ACACA: variants seen among roughly 807,000 people sequenced by gnomAD.
ACACA encodes acetyl-CoA carboxylase 1.
ACACA carries 103 observed loss-of-function variants against 296.1 expected under a neutral mutation model. The ratio of observed to expected loss-of-function variants is 0.35; its 90% CI spans 0.30 to 0.41. The LOEUF (loss-of-function observed/expected upper bound fraction) is 0.41. Ranked by LOEUF, ACACA falls within the 10% of genes least tolerant of loss-of-function variation. The pLI is 1.00. For missense variants in ACACA, 1,554 were observed against 2,989.7 expected (o/e 0.52, Z 11.20); for synonymous variants, 953 against 1,038.6 (o/e 0.92, Z 1.58).
chr17:37,315,205 G>A (rs1416705422), intron 3 of ACACA, among the ~76,000 whole-genome samples: 64 of 152,136 alleles, frequency 4.2e-4, no homozygotes, highest in Non-Finnish European at 1.5e-5. Flanking sequence ...TGATCCACCC[G>A]CCTCTGCCTC....
At chr17:37,368,960 C>A (rs968968625) in intron 1 of ACACA, among the ~76,000 whole-genome samples, 23 of 152,190 alleles carry the variant, frequency 1.5e-4, no homozygotes, top group Non-Finnish European at 2.8e-4. Context: ...GCGTCTACTT[C>A]TGGATTTATA....
At chr17:37,359,204 T>A (rs1057415190) in intron 1 of ACACA, 14 of 917,026 alleles carry the variant, frequency 1.5e-5, no homozygotes, top group South Asian at 1.0e-4. Flanking sequence ...GCGAGCTCCA[T>A]GAGGTGACTA....
chr17:37,390,113 G>T, intron 1 of ACACA, among the ~76,000 whole-genome samples: 1 of 104,420 alleles, frequency 9.6e-6, no homozygotes. Context: ...GCAACATAGC[G>T]AGACACTGTC....
chr17:37,201,301 T>G (rs2078236647), intron 33 of ACACA, among the ~76,000 whole-genome samples: 1 of 151,946 alleles, frequency 6.6e-6, no homozygotes. Flanking sequence ...ATGAGCCAAG[T>G]GTGGTGGCAC....
intron 29 of ACACA, among the ~76,000 whole-genome samples, chr17:37,217,753 AAAAAAAAAAAAC>A (rs1238732226): frequency 4.2e-5 from 4 of 94,162 alleles, no homozygotes; most frequent in African/African-American, 1.7e-4. Context: ...AAAAAAAAAA[AAAAAAAAAAAAC>A]AACCTGTTTT....
chr17:37,295,852 G>A (rs950921347), intron 3 of ACACA, among the ~76,000 whole-genome samples: 2 of 152,066 alleles, frequency 1.3e-5, no homozygotes, highest in Non-Finnish European at 2.9e-5. Flanking sequence ...TTGAACCCGG[G>A]AGGCAAAGGT....
intron 3 of ACACA, among the ~76,000 whole-genome samples, chr17:37,296,348 C>T (rs1188653828): frequency 6.8e-6 from 1 of 147,376 alleles, no homozygotes; most frequent in African/African-American, 2.5e-5. Context: ...CTCTCTCTCC[C>T]AGTCTGGAGT....
intron 10 of ACACA, among the ~76,000 whole-genome samples, chr17:37,269,493 A>G (rs1175724788): frequency 1.3e-5 from 2 of 152,210 alleles, no homozygotes; most frequent in East Asian, 1.9e-4. Flanking sequence ...CACAAAGCCT[A>G]TATTATAATA....
intron 1 of ACACA, chr17:37,387,791 A>G (rs1016668790): frequency 1.3e-5 from 2 of 152,100 alleles, no homozygotes; most frequent in East Asian, 1.9e-4. Context: ...ATTGGCCAGG[A>G]CTAAAATTCT....
At chr17:37,139,225 C>T (rs2075457969) in intron 45 of ACACA, among the ~76,000 whole-genome samples, 1 of 152,100 alleles carries the variant, frequency 6.6e-6, no homozygotes, top group African/African-American at 2.4e-5. Flanking sequence ...CCTAAGGAAC[C>T]GTGTGTACAG....
At chr17:37,187,684 GTATAA>G (rs1458142832) in intron 39 of ACACA, among the ~76,000 whole-genome samples, 1 of 152,172 alleles carries the variant, frequency 6.6e-6, no homozygotes, top group Non-Finnish European at 1.5e-5. Context: ...CTTTGCTCTT[GTATAA>G]TATATGACAC....
At chr17:37,115,374 G>C (rs1468909666) in intron 50 of ACACA, among the ~76,000 whole-genome samples, 2 of 152,102 alleles carry the variant, frequency 1.3e-5, no homozygotes, top group Non-Finnish European at 2.9e-5. Flanking sequence ...GTGCTGCCAA[G>C]AGTACAGTCT....
chr17:37,232,575 C>A (rs1408091893), intron 25 of ACACA, among the ~76,000 whole-genome samples: 1 of 152,132 alleles, frequency 6.6e-6, no homozygotes, highest in Non-Finnish European at 1.5e-5. Flanking sequence ...CATTCAGTAA[C>A]ATCAGATCAG....
intron 48 of ACACA, among the ~76,000 whole-genome samples, chr17:37,123,817 A>G (rs1176718906): frequency 6.6e-6 from 1 of 152,224 alleles, no homozygotes; most frequent in African/African-American, 2.4e-5. Context: ...TGTAATTGCA[A>G]AAGCCACCCT....
Position 37,229,424 on chromosome 17 carries a change from C to A in ACACA, c.3247-2972G>T, listed in dbSNP as rs2079731546. ...GTTCACGCCATTCTCCTGCCTCAGC[C>A]TCCCGAGTACCTGGGACTACAGGCG... is the stretch of plus-strand genomic sequence containing the variant. On this transcript the variant is annotated intron_variant, in intron 25 of 55. Coordinates refer to ENST00000616317, the MANE Select transcript of ACACA (RefSeq NM_198834.3). Among the ~76,000 whole-genome samples the A allele has an allele frequency of 2.0e-5, 3 of 151,730 alleles. No homozygotes were observed. In the South Asian group the frequency reaches 6.2e-4, roughly 32 times the overall value.
chr17:37,342,951 AAGTC>A (rs1407572346), intron 1 of ACACA, among the ~76,000 whole-genome samples: 2 of 152,018 alleles, frequency 1.3e-5, no homozygotes, highest in African/African-American at 4.8e-5. Context: ...AAAACAAAAA[AAGTC>A]AGCCTGCATT....
Position 37,091,333 on chromosome 17 carries a change from C to T in ACACA, c.6892-2259G>A, listed in dbSNP as rs1375525207. Among the ~76,000 whole-genome samples, 5 of 152,316 alleles carry T rather than the reference C, an allele frequency of 3.3e-5. No homozygotes were observed. In the East Asian group the frequency reaches 9.6e-4, roughly 29 times the overall value. ...AATATGGGTCCTATAAAAAGATCTG[C>T]TGTTTACGCAAAGTACAACTGGATG... On this transcript the variant is annotated intron_variant, in intron 54 of 55. Coordinates refer to ENST00000616317, the MANE Select transcript of ACACA (RefSeq NM_198834.3).
chr17:37,265,614 A>G (rs2081729331), intron 10 of ACACA, among the ~76,000 whole-genome samples: 1 of 152,208 alleles, frequency 6.6e-6, no homozygotes, highest in Non-Finnish European at 1.5e-5. Flanking sequence ...AGGAGGAAAT[A>G]GGAGGTACAT....
intron 54 of ACACA, among the ~76,000 whole-genome samples, chr17:37,092,058 C>G (rs12946127): frequency 0.18 from 26,836 of 151,536 alleles, 3,067 homozygotes; most frequent in East Asian, 0.45. Flanking sequence ...GAGGCTGAGG[C>G]AGGGAATTGC....
Sources: gnomAD v4.1 joint callset for allele counts (sites outside exome capture counted in the v4.1 genomes callset) on GRCh38, gnomAD v4.1.1 for gene constraint, MANE v1.5 for transcripts, NCBI Gene and HGNC (gene_info 2026-07-23, HGNC 2026-07-21) for gene names.